Variants in CACNA1E observed in about 807,000 individuals in gnomAD.
CACNA1E encodes calcium voltage-gated channel subunit alpha1 E, also known as voltage-dependent R-type calcium channel subunit alpha-1E.
A neutral mutation model predicts 259.2 loss-of-function variants in CACNA1E; 40 were observed. The observed-to-expected ratio is 0.15, with a 90% CI of 0.12 to 0.20. The LOEUF (loss-of-function observed/expected upper bound fraction) is 0.20, where lower values mean the gene tolerates loss of function less well. CACNA1E is among the 10% of genes least tolerant of loss of function. CACNA1E has a pLI of 1.00. For missense variants in CACNA1E, 1,874 were observed against 3,040.1 expected (o/e 0.62, Z 9.02); for synonymous variants, 1,104 against 1,138.5 (o/e 0.97, Z 0.61).
intron 3 of CACNA1E, among the ~76,000 whole-genome samples, chr1:181,564,972 G>C (rs139814947): frequency 3.3e-5 from 5 of 152,104 alleles, no homozygotes; most frequent in African/African-American, 1.2e-4. Context: ...TGTCACACAG[G>C]CTTTGCTGTT....
Position 181,514,927 on chromosome 1 carries a change from A to T in CACNA1E, c.512+3417A>T, listed in dbSNP as rs534503354. Among the ~76,000 whole-genome samples the T allele has an allele frequency of 3.3e-5, 5 of 152,274 alleles. No homozygotes were observed. The South Asian group carries it at 1.0e-3, about 32-fold the overall frequency. On this transcript the variant is annotated intron_variant, in intron 3 of 47. Transcript: ENST00000367573. ...ATGTACATTGCTTCATCTTGTCCTCATAATGCCATAGAAAAGACCTTGCTA... is the reference window on the plus strand; with the variant it reads ...ATGTACATTGCTTCATCTTGTCCTCTTAATGCCATAGAAAAGACCTTGCTA...
At position 181,776,666 on chromosome 1, in the gene CACNA1E, A is replaced by G. The variant is rs1348710141; in HGVS notation, c.5267+438A>G. Among the ~76,000 whole-genome samples the G allele has an allele frequency of 6.6e-6, 1 of 152,238 alleles. No homozygotes were observed. The highest frequency in any genetic ancestry group is 1.5e-5 in the Non-Finnish European group (1 of 68,040). ...TTCCTCTCAACAGATACAGTTGGATATAACTCTGAAATTATTTTTTAAAAA... is the reference window on the plus strand; with the variant it reads ...TTCCTCTCAACAGATACAGTTGGATGTAACTCTGAAATTATTTTTTAAAAA... On this transcript the variant is annotated intron_variant, in intron 38 of 47. Transcript: ENST00000367573. The surrounding 1 kb of genome is among the most constrained non-coding windows in gnomAD (Gnocchi z 4.4).
intron 7 of CACNA1E, among the ~76,000 whole-genome samples, chr1:181,701,852 G>A (rs1201595966): frequency 1.3e-5 from 2 of 152,120 alleles, no homozygotes; most frequent in African/African-American, 4.8e-5. Context: ...ATATTTGTGG[G>A]TTTTTTGGTT....
At chr1:181,759,718 A>C (rs1658408649) in intron 32 of CACNA1E, among the ~76,000 whole-genome samples, 1 of 152,120 alleles carries the variant, frequency 6.6e-6, no homozygotes, top group Admixed American at 6.5e-5. Context: ...CTTACTTAGG[A>C]CGTGAGCTAC....
intron 7 of CACNA1E, among the ~76,000 whole-genome samples, chr1:181,680,542 T>G (rs1393453605): frequency 1.3e-5 from 2 of 152,180 alleles, no homozygotes; most frequent in Admixed American, 6.5e-5. Flanking sequence ...CTCATGCACA[T>G]GCCGACCAGC....
chr1:181,573,026 A>G (rs1650573790), intron 3 of CACNA1E, among the ~76,000 whole-genome samples: 1 of 152,206 alleles, frequency 6.6e-6, no homozygotes, highest in Non-Finnish European at 1.5e-5. Flanking sequence ...TACACAGCGT[A>G]ATGGCAGGGT....
At chr1:181,458,151 A>G (rs1189962453) in intron 2 of CACNA1E, among the ~76,000 whole-genome samples, 1 of 152,134 alleles carries the variant, frequency 6.6e-6, no homozygotes, top group Non-Finnish European at 1.5e-5. Context: ...ATGATTTCTC[A>G]TGCCCCAGTT....
At position 181,798,420 on chromosome 1, in the gene CACNA1E, T is replaced by A. The variant is rs370916002; in HGVS notation, c.6528T>A (p.Ile2176=). 6.2e-7 allele frequency: 1 copy of A among 1,613,726 alleles called. No homozygotes were observed. Among genetic ancestry groups the A allele is most frequent in the Non-Finnish European group, 8.5e-7 (1 of 1,179,874 alleles). Residue 2176 remains isoleucine, a synonymous_variant, in exon 48 of 48, where the codon ATT becomes ATA. Transcript: ENST00000367573. The surrounding 1 kb of genome is among the most constrained non-coding windows in gnomAD (Gnocchi z 4.2). ...CCCTCCTTTCCTACAGCTCCCTGAT[T>A]CGACACGCGGGCAGCATCTCTCCAC... ...PRPLLSYSSL[I]RHAGSISPPA...
chr1:181,552,966 T>G (rs903868176), intron 3 of CACNA1E, among the ~76,000 whole-genome samples: 10 of 152,218 alleles, frequency 6.6e-5, no homozygotes, highest in Non-Finnish European at 1.2e-4. Context: ...TGCTTAGGAT[T>G]GTCTTGGCTA....
At chr1:181,752,722 A>G (rs1443825612) in intron 27 of CACNA1E, among the ~76,000 whole-genome samples, 1 of 152,258 alleles carries the variant, frequency 6.6e-6, no homozygotes, top group Non-Finnish European at 1.5e-5. Context: ...TAGGTCAGTA[A>G]CTTGTCCAAG....
At chr1:181,737,730 G>T in intron 23 of CACNA1E, 76 bp downstream of exon 23, 1 of 1,541,698 alleles carries the variant, frequency 6.5e-7, no homozygotes. Flanking sequence ...GAGGTGAACC[G>T]AGATGGTAGC....
chr1:181,668,114 A>T (rs1440127483), intron 7 of CACNA1E, among the ~76,000 whole-genome samples: 1 of 152,220 alleles, frequency 6.6e-6, no homozygotes, highest in Non-Finnish European at 1.5e-5. Context: ...ATCAAGATAC[A>T]GAACTGTCCT....
chr1:181,558,239 G>A (rs1648945177), intron 3 of CACNA1E, among the ~76,000 whole-genome samples: 2 of 152,194 alleles, frequency 1.3e-5, no homozygotes, highest in African/African-American at 2.4e-5. Context: ...GCTGGGATGA[G>A]CTTCGCCCAG....
chr1:181,569,683 C>A (rs1191775278), intron 3 of CACNA1E, among the ~76,000 whole-genome samples: 1 of 152,222 alleles, frequency 6.6e-6, no homozygotes, highest in Admixed American at 6.5e-5. Flanking sequence ...GGCCCAGTCA[C>A]AGCTCCGTGG....
Position 181,503,822 on chromosome 1 carries a change from G to C in CACNA1E, c.267-6655G>C, listed in dbSNP as rs547663084. Among the ~76,000 whole-genome samples the C allele has an allele frequency of 2.6e-5, 4 of 152,348 alleles. No individual in the cohort carries two copies. In the South Asian group the frequency reaches 8.3e-4, roughly 32 times the overall value. ...AACCCTTCATTGACTCTTGAGTACT[G>C]TGTTGGGACAGCTTTTGCAGTCGGA... On this transcript the variant is annotated intron_variant, in intron 1 of 47. Transcript: ENST00000367573.
At chr1:181,548,450 T>C (rs901293690) in intron 3 of CACNA1E, among the ~76,000 whole-genome samples, 1 of 152,186 alleles carries the variant, frequency 6.6e-6, no homozygotes, top group Non-Finnish European at 1.5e-5. Flanking sequence ...TTAGTATCTT[T>C]ATTGTTGCTC....
At position 181,739,164 on chromosome 1, in the gene CACNA1E, G is replaced by A. The variant is rs1656332273; in HGVS notation, c.3630G>A (p.Leu1210=). ...EMVIKMIDQG[L]ILQDGSYFRD... ...TTCTGCAGATGATAGACCAAGGCTT[G>A]ATCCTGCAGGATGGGTCCTACTTCC... The change falls in exon 25 of 48, where the codon TTG becomes TTA. Residue 1210 remains leucine, a synonymous_variant. Transcript: ENST00000367573. 4 of 1,611,924 alleles carry A rather than the reference G, an allele frequency of 2.5e-6. No individual in the cohort carries two copies. The highest frequency in any genetic ancestry group is 1.7e-6 in the Non-Finnish European group (2 of 1,177,988).
intron 2 of CACNA1E, among the ~76,000 whole-genome samples, chr1:181,450,446 ATG>A (rs879387612): frequency 4.3e-5 from 5 of 115,940 alleles, no homozygotes; most frequent in African/African-American, 1.8e-4. Flanking sequence ...GTGTGTGTGT[ATG>A]TGTGTGTGTG....
At chr1:181,636,679 A>C (rs1657245018) in intron 6 of CACNA1E, among the ~76,000 whole-genome samples, 1 of 152,174 alleles carries the variant, frequency 6.6e-6, no homozygotes, top group African/African-American at 2.4e-5. Context: ...GCCCTGATGG[A>C]TGGCCAGGAT....
Sources: gnomAD v4.1 joint callset for allele counts (sites outside exome capture counted in the v4.1 genomes callset) on GRCh38, gnomAD v4.1.1 for gene constraint, Gnocchi (gnomAD v3.1) non-coding constraint, MANE v1.5 for transcripts, NCBI Gene and HGNC (gene_info 2026-07-23, HGNC 2026-07-21) for gene names.